SLC16A7: variants seen among roughly 807,000 people sequenced by gnomAD.
SLC16A7 encodes solute carrier family 16 member 7, also known as monocarboxylate transporter 2.
SLC16A7 carries 33 observed loss-of-function variants against 34.9 expected under a neutral mutation model. That is an observed-to-expected ratio of 0.94 (90% CI 0.72 to 1.26). The LOEUF (loss-of-function observed/expected upper bound fraction) is 1.26. Ranked by LOEUF, SLC16A7 falls within the 50% of genes most tolerant of loss-of-function variation. The pLI is 0.00. For synonymous variants in SLC16A7, 201 were observed against 206.6 expected (o/e 0.97, Z 0.23); for missense variants, 573 against 578.1 (o/e 0.99, Z 0.09).
At chr12:59,617,873 A>T (rs1879525289) in intron 1 of SLC16A7, among the ~76,000 whole-genome samples, 1 of 152,080 alleles carries the variant, frequency 6.6e-6, no homozygotes, top group Admixed American at 6.6e-5. Flanking sequence ...TAATAATTAG[A>T]AAAAGCATTT....
chr12:59,612,789 T>C (rs1879259041), intron 1 of SLC16A7, among the ~76,000 whole-genome samples: 2 of 152,224 alleles, frequency 1.3e-5, no homozygotes, highest in Non-Finnish European at 1.5e-5. Flanking sequence ...GAGTGACCTT[T>C]ACTCCAGTTC....
intron 3 of SLC16A7, among the ~76,000 whole-genome samples, chr12:59,730,249 C>T (rs1490431976): frequency 6.6e-6 from 1 of 151,476 alleles, no homozygotes; most frequent in Admixed American, 6.6e-5. Context: ...ATTTAGGCAC[C>T]TCTCCGTTAG....
At chr12:59,600,792 A>G (rs997544583) in intron 1 of SLC16A7, among the ~76,000 whole-genome samples, 3 of 152,186 alleles carry the variant, frequency 2.0e-5, no homozygotes, top group Admixed American at 6.5e-5. Flanking sequence ...GACAATTTCA[A>G]CATATTCACA....
At chr12:59,613,641 G>T (rs1023760646) in intron 1 of SLC16A7, among the ~76,000 whole-genome samples, 1 of 152,136 alleles carries the variant, frequency 6.6e-6, no homozygotes, top group Non-Finnish European at 1.5e-5. Flanking sequence ...GGAAGTGTGG[G>T]AAGACTATCA....
intron 1 of SLC16A7, among the ~76,000 whole-genome samples, chr12:59,605,834 T>C (rs1246880854): frequency 6.6e-6 from 1 of 152,226 alleles, no homozygotes; most frequent in Admixed American, 6.5e-5. Context: ...TCAGAGACTT[T>C]GAAGACAGAT....
chr12:59,716,394 G>T (rs1291311732), intron 3 of SLC16A7, among the ~76,000 whole-genome samples: 1 of 152,182 alleles, frequency 6.6e-6, no homozygotes, highest in African/African-American at 2.4e-5. Flanking sequence ...TGAGTAAAGA[G>T]CATCTGTAAA....
chr12:59,661,426 G>T (rs964041176), intron 2 of SLC16A7, among the ~76,000 whole-genome samples: 1 of 152,078 alleles, frequency 6.6e-6, no homozygotes, highest in African/African-American at 2.4e-5. Context: ...CAGAATGTTA[G>T]TGCATTTAAT....
At chr12:59,757,713 G>C (rs1401706323) in intron 3 of SLC16A7, among the ~76,000 whole-genome samples, 1 of 151,946 alleles carries the variant, frequency 6.6e-6, no homozygotes, top group Non-Finnish European at 1.5e-5. Flanking sequence ...TGGCACCCCT[G>C]AGTCAGCCAG....
intron 3 of SLC16A7, among the ~76,000 whole-genome samples, chr12:59,759,053 T>A (rs1880721355): frequency 6.6e-6 from 1 of 152,020 alleles, no homozygotes; most frequent in African/African-American, 2.4e-5. Context: ...ATTCTGAAAC[T>A]GGACATATAT....
intron 1 of SLC16A7, among the ~76,000 whole-genome samples, chr12:59,633,392 T>C (rs1880272968): frequency 6.6e-6 from 1 of 152,032 alleles, no homozygotes; most frequent in Non-Finnish European, 1.5e-5. Flanking sequence ...CATTGTATTG[T>C]ATGTAGTCTA....
chr12:59,770,072 G>A (rs1882075208), intron 3 of SLC16A7, among the ~76,000 whole-genome samples: 1 of 151,964 alleles, frequency 6.6e-6, no homozygotes, highest in Non-Finnish European at 1.5e-5. Context: ...TGTCACTGAA[G>A]TAAAACACAG....
chr12:59,644,384 T>G (rs1394746736), intron 1 of SLC16A7, among the ~76,000 whole-genome samples: 1 of 151,974 alleles, frequency 6.6e-6, no homozygotes, highest in Non-Finnish European at 1.5e-5. Flanking sequence ...CTTGTCAACA[T>G]GATGAAATCC....
rs185187996 is a variant in SLC16A7 at position 59,643,010 on chromosome 12, A to G, written c.-129-12142A>G. Among the ~76,000 whole-genome samples, 58 of 152,222 alleles carry G rather than the reference A, an allele frequency of 3.8e-4. 2 individuals carry two copies. The highest frequency in any genetic ancestry group is 1.3e-3 in the African/African-American group (54 of 41,578). On this transcript the variant is annotated intron_variant, in intron 1 of 5. Transcript: ENST00000547379. The stretch of plus-strand genomic sequence containing the variant: ...TCCTCAGAATACATTTATGTTGTCA[A>G]TTTTTAAAAGCACTTGGATAATTAA...
intron 3 of SLC16A7, among the ~76,000 whole-genome samples, chr12:59,751,203 C>G (rs1592638930): frequency 6.6e-6 from 1 of 152,310 alleles, no homozygotes; most frequent in East Asian, 1.9e-4. Context: ...TTCTGCATTT[C>G]CATCTGAGGT....
intron 3 of SLC16A7, among the ~76,000 whole-genome samples, chr12:59,759,043 A>C (rs1020995049): frequency 1.4e-4 from 22 of 152,012 alleles, no homozygotes; most frequent in Non-Finnish European, 4.4e-5. Context: ...AGACATGTAC[A>C]TTCTGAAACT....
intron 2 of SLC16A7, among the ~76,000 whole-genome samples, chr12:59,687,543 A>G (rs1415778129): frequency 1.3e-5 from 2 of 152,196 alleles, no homozygotes; most frequent in South Asian, 2.1e-4. Flanking sequence ...CTTGAAGCCA[A>G]TGTGTTTCTC....
intron 2 of SLC16A7, among the ~76,000 whole-genome samples, chr12:59,683,373 C>G (rs1011802500): frequency 6.6e-6 from 1 of 151,914 alleles, no homozygotes; most frequent in Non-Finnish European, 1.5e-5. Flanking sequence ...TGGAGAGAGG[C>G]CAGAAGATGG....
chr12:59,714,833 G>A (rs1344056077), intron 3 of SLC16A7, among the ~76,000 whole-genome samples: 1 of 152,084 alleles, frequency 6.6e-6, no homozygotes, highest in Non-Finnish European at 1.5e-5. Context: ...CCAAAGTGCT[G>A]GGATTACAGG....
At chr12:59,649,219 G>A (rs1175639756) in intron 1 of SLC16A7, among the ~76,000 whole-genome samples, 1 of 152,104 alleles carries the variant, frequency 6.6e-6, no homozygotes, top group Non-Finnish European at 1.5e-5. Flanking sequence ...TTAAAAAATG[G>A]GAGTCATAGA....
Sources: gnomAD v4.1 joint callset for allele counts (sites outside exome capture counted in the v4.1 genomes callset) on GRCh38, gnomAD v4.1.1 for gene constraint, MANE v1.5 for transcripts, NCBI Gene and HGNC (gene_info 2026-07-23, HGNC 2026-07-21) for gene names.